Variants in DPH5 observed in about 807,000 individuals in gnomAD.
DPH5 encodes diphthine methyl ester synthase.
A neutral mutation model predicts 31.6 loss-of-function variants in DPH5; 31 were observed. That is an observed-to-expected ratio of 0.98 (90% CI 0.74 to 1.32). The LOEUF (loss-of-function observed/expected upper bound fraction) is 1.32, where lower values mean the gene tolerates loss of function less well. Among genes scored for constraint, DPH5 ranks in the 40% most tolerant of loss-of-function variants. The probability of loss-of-function intolerance (pLI) is 0.00; values close to 1 mark genes in which losing one functional copy is unlikely to be tolerated. For synonymous variants in DPH5, 120 were observed against 115.0 expected (o/e 1.04, Z -0.28); for missense variants, 309 against 335.7 (o/e 0.92, Z 0.62).
At chr1:101,016,531 A>C (rs1570699463) in intron 3 of DPH5, among the ~76,000 whole-genome samples, 1 of 144,458 alleles carries the variant, frequency 6.9e-6, no homozygotes, top group Non-Finnish European at 1.5e-5. Flanking sequence ...TGCAACCTCC[A>C]CCTCCTGGGT....
chr1:101,019,016 A>T (rs1660271627), intron 3 of DPH5, among the ~76,000 whole-genome samples: 1 of 152,238 alleles, frequency 6.6e-6, no homozygotes, highest in Admixed American at 6.5e-5. Context: ...AGGAAAAGGC[A>T]TACAACATAG....
At chr1:100,993,566 ATATATATATAT>A (rs1658018141) in intron 6 of DPH5, among the ~76,000 whole-genome samples, 2 of 71,190 alleles carry the variant, frequency 2.8e-5, no homozygotes, top group African/African-American at 1.2e-4. Flanking sequence ...ATAAATATAT[ATATATATATAT>A]ATATATATAT....
chr1:101,021,817 A>ACAC (rs1660469762), intron 2 of DPH5, 52 bp from the exon 3 acceptor site: 9 of 739,018 alleles, frequency 1.2e-5, no homozygotes, highest in South Asian at 2.6e-5. Flanking sequence ...TGACCATTCT[A>ACAC]ACACACACAC....
At chr1:101,019,608 T>C (rs773449572) in intron 3 of DPH5, among the ~76,000 whole-genome samples, 4 of 152,182 alleles carry the variant, frequency 2.6e-5, no homozygotes, top group African/African-American at 4.8e-5. Flanking sequence ...CCTTGCTGCA[T>C]TCTATATTCC....
intron 4 of DPH5, among the ~76,000 whole-genome samples, chr1:101,011,327 A>AT (rs1482088246): frequency 3.9e-5 from 6 of 152,360 alleles, no homozygotes; most frequent in African/African-American, 1.2e-4. Flanking sequence ...TGTGATCACT[A>AT]TATAAGACAG....
At chr1:100,996,787 TA>T (rs1658396494) in intron 5 of DPH5, among the ~76,000 whole-genome samples, 1 of 152,208 alleles carries the variant, frequency 6.6e-6, no homozygotes, top group Admixed American at 6.5e-5. Context: ...AATTATATCA[TA>T]TATATTGGTC....
chr1:101,017,004 A>G (rs1570700432), intron 3 of DPH5, among the ~76,000 whole-genome samples: 3 of 152,310 alleles, frequency 2.0e-5, no homozygotes, highest in Admixed American at 2.0e-4. Context: ...GTTTGTGGCA[A>G]CCCAAAGTAC....
At chr1:101,009,428 C>T (rs986450385) in intron 4 of DPH5, among the ~76,000 whole-genome samples, 3 of 152,096 alleles carry the variant, frequency 2.0e-5, no homozygotes, top group South Asian at 2.1e-4. Context: ...TGGAAAAGGA[C>T]CCATTAGCAT....
At chr1:100,998,555 T>A (rs368239249) in intron 5 of DPH5, among the ~76,000 whole-genome samples, 1 of 151,432 alleles carries the variant, frequency 6.6e-6, no homozygotes, top group African/African-American at 2.4e-5. Context: ...CTGGCTGCAA[T>A]TGACTGAACT....
intron 6 of DPH5, among the ~76,000 whole-genome samples, chr1:100,993,749 A>C (rs1393689561): frequency 8.0e-5 from 12 of 150,206 alleles, no homozygotes; most frequent in Admixed American, 8.0e-4. Context: ...GTAAAAAGGC[A>C]ATTTTTTTTT....
chr1:101,008,661 G>A (rs909617155), intron 4 of DPH5, among the ~76,000 whole-genome samples: 1 of 152,200 alleles, frequency 6.6e-6, no homozygotes, highest in Non-Finnish European at 1.5e-5. Context: ...TTGTATGTGT[G>A]TGTGTGTTAC....
intron 3 of DPH5, among the ~76,000 whole-genome samples, chr1:101,020,268 C>T (rs1191274645): frequency 6.6e-6 from 1 of 152,182 alleles, no homozygotes; most frequent in Non-Finnish European, 1.5e-5. Context: ...AAAACCACCA[C>T]TAATCAACTC....
chr1:101,015,486 G>A (rs1023390423), intron 3 of DPH5, among the ~76,000 whole-genome samples: 1 of 152,156 alleles, frequency 6.6e-6, no homozygotes, highest in African/African-American at 2.4e-5. Flanking sequence ...AGCTTTTCTT[G>A]TTCCACTTAC....
Position 101,014,422 on chromosome 1 carries a change from C to A in DPH5, c.261-604G>T, listed in dbSNP as rs1290563515. ...AGTTATGTTTATACTATACTGTAGT[C>A]TGTTAAGTGTGTAACAGCATTATGT... On this transcript the variant is annotated intron_variant, in intron 3 of 7. Coordinates refer to ENST00000370109, the MANE Select transcript of DPH5 (RefSeq NM_015958.3). Among the ~76,000 whole-genome samples the A allele has an allele frequency of 2.0e-5, 3 of 152,178 alleles. No individual in the cohort carries two copies. In the East Asian group the frequency reaches 5.8e-4, roughly 29 times the overall value.
At position 100,990,632 on chromosome 1, in the gene DPH5, C is replaced by A; in HGVS notation, c.635-1G>T. 3 of 1,608,152 alleles carry A rather than the reference C, an allele frequency of 1.9e-6. No homozygotes were observed. Among genetic ancestry groups the A allele is most frequent in the Admixed American group, 3.4e-5 (2 of 58,352 alleles). On this transcript the variant is annotated splice_acceptor_variant, in intron 7 of 7. Coordinates refer to ENST00000370109, the MANE Select transcript of DPH5 (RefSeq NM_015958.3). LOFTEE classifies it high-confidence loss of function. ...ACACAAAGTGTCTCCTCGGTAACTGCTATTAAAAAAAAAAGATACTGCTAT... is the reference window on the plus strand; with the variant it reads ...ACACAAAGTGTCTCCTCGGTAACTGATATTAAAAAAAAAAGATACTGCTAT...
intron 3 of DPH5, among the ~76,000 whole-genome samples, chr1:101,016,612 A>G (rs1333993005): frequency 6.6e-6 from 1 of 150,962 alleles, no homozygotes; most frequent in Non-Finnish European, 1.5e-5. Flanking sequence ...CGCCCAGCTA[A>G]TTTTTGTATT....
In DPH5 at chr1:101,025,322, C is replaced by T. The variant is rs769855449; in HGVS notation, c.122G>A (p.Gly41Glu). The T allele has an allele frequency of 1.2e-6, 2 of 1,614,028 alleles. No homozygotes were observed. The highest frequency in any genetic ancestry group is 3.3e-5 in the Admixed American group (2 of 59,994). ...LEAYTSVLTV[G>E]KEALEEFYGR... Reference sequence around the variant, plus strand: ...CTCAGCACCTACCAAGGCTTCCTTCCCTACAGTTAGGACTGAGGTGTAGGC... The same window carrying T: ...CTCAGCACCTACCAAGGCTTCCTTCTCTACAGTTAGGACTGAGGTGTAGGC... Residue 41 changes from glycine (G) to glutamate (E), a missense_variant, in exon 2 of 8, where the codon GGG becomes GAG. By Grantham distance (98) the Gly-to-Glu change is moderately conservative. Transcript: ENST00000370109.
chr1:100,991,160 G>A (rs189839022), intron 7 of DPH5, among the ~76,000 whole-genome samples: 56 of 152,322 alleles, frequency 3.7e-4, no homozygotes, highest in African/African-American at 1.3e-3. Context: ...AGCTAAGATA[G>A]TAGATATGAG....
intron 3 of DPH5, among the ~76,000 whole-genome samples, chr1:101,019,050 T>G (rs1168280962): frequency 3.3e-5 from 5 of 152,172 alleles, no homozygotes; most frequent in Non-Finnish European, 5.9e-5. Context: ...GTATTCATTA[T>G]AATAATATAG....
Sources: allele counts gnomAD v4.1 joint callset (sites outside exome capture counted in the v4.1 genomes callset), GRCh38; gene constraint gnomAD v4.1.1; transcripts MANE v1.5; gene names NCBI Gene and HGNC (gene_info 2026-07-23, HGNC 2026-07-21).